The following TRAPPC9 variants were observed in gnomAD, a reference collection of about 807,000 sequenced individuals.
The protein encoded by TRAPPC9 is IKK2 binding protein.
Under a neutral mutation model 124.0 loss-of-function variants are expected in TRAPPC9, and 83 were observed. That is an observed-to-expected ratio of 0.67 (90% CI 0.56 to 0.80). The LOEUF is 0.80. TRAPPC9 is among the 30% of genes least tolerant of loss of function. TRAPPC9 has a pLI of 0.00. For missense variants in TRAPPC9, 1,302 were observed against 1,508.3 expected (o/e 0.86, Z 2.27); for synonymous variants, 638 against 617.5 (o/e 1.03, Z -0.49).
intron 17 of TRAPPC9, among the ~76,000 whole-genome samples, chr8:140,118,502 C>G (rs552996539): frequency 1.6e-4 from 25 of 152,340 alleles, no homozygotes; most frequent in African/African-American, 6.0e-4. Flanking sequence ...TCTTTGGGAA[C>G]TGTCATCTGT....
chr8:140,294,981 G>A (rs1173046612), intron 11 of TRAPPC9, among the ~76,000 whole-genome samples: 1 of 152,152 alleles, frequency 6.6e-6, no homozygotes, highest in Non-Finnish European at 1.5e-5. Flanking sequence ...GCACACGGTG[G>A]TGGCCCTTCC....
At chr8:140,034,821 G>A (rs1376384690) in intron 17 of TRAPPC9, among the ~76,000 whole-genome samples, 1 of 152,248 alleles carries the variant, frequency 6.6e-6, no homozygotes, top group Non-Finnish European at 1.5e-5. Context: ...CTCAAAGCCA[G>A]GTCTGAGTCC....
At chr8:140,381,225 A>T (rs2068598902) in intron 7 of TRAPPC9, among the ~76,000 whole-genome samples, 1 of 151,518 alleles carries the variant, frequency 6.6e-6, no homozygotes, top group African/African-American at 2.4e-5. Flanking sequence ...AAAAAAGAAG[A>T]AGAAAAGAAA....
intron 2 of TRAPPC9, among the ~76,000 whole-genome samples, chr8:140,449,844 A>G (rs954751204): frequency 6.6e-6 from 1 of 152,234 alleles, no homozygotes; most frequent in Non-Finnish European, 1.5e-5. Context: ...CTCATCTGTG[A>G]ACCAAAGGGA....
intron 17 of TRAPPC9, among the ~76,000 whole-genome samples, chr8:140,055,045 G>T (rs1429595398): frequency 2.0e-5 from 3 of 152,146 alleles, no homozygotes; most frequent in Admixed American, 2.0e-4. Context: ...ACAAATTTTA[G>T]GAGGCCAGCA....
At chr8:140,075,134 G>A (rs1346356527) in intron 17 of TRAPPC9, among the ~76,000 whole-genome samples, 10 of 152,064 alleles carry the variant, frequency 6.6e-5, no homozygotes, top group African/African-American at 1.2e-4. Context: ...GACAGGGCTC[G>A]GCCCCAGAGC....
intron 21 of TRAPPC9, among the ~76,000 whole-genome samples, chr8:139,777,423 C>T (rs753652133): frequency 6.6e-6 from 1 of 152,246 alleles, no homozygotes; most frequent in African/African-American, 2.4e-5. Flanking sequence ...ACTGTGTTAT[C>T]TCCTAATGCA....
chr8:140,232,354 G>A (rs1391573905), intron 16 of TRAPPC9, among the ~76,000 whole-genome samples: 1 of 152,002 alleles, frequency 6.6e-6, no homozygotes, highest in African/African-American at 2.4e-5. Flanking sequence ...CCAAGATCTT[G>A]GGGAGCAAGT....
chr8:140,404,891 C>A (rs74890965), intron 6 of TRAPPC9, among the ~76,000 whole-genome samples: 8 of 64,348 alleles, frequency 1.2e-4, no homozygotes, highest in Admixed American at 3.3e-4. Flanking sequence ...TGCATGTGTG[C>A]ACGTGTGTGT....
intron 9 of TRAPPC9, among the ~76,000 whole-genome samples, chr8:140,350,339 G>A (rs1431217587): frequency 2.0e-5 from 3 of 152,182 alleles, no homozygotes; most frequent in African/African-American, 7.2e-5. Flanking sequence ...TGAGTGACCT[G>A]CAAGGTGCAA....
chr8:140,399,341 A>G (rs1195957826), intron 6 of TRAPPC9, among the ~76,000 whole-genome samples: 1 of 152,260 alleles, frequency 6.6e-6, no homozygotes, highest in Non-Finnish European at 1.5e-5. Flanking sequence ...ATCCACTGAC[A>G]GCTTGCACTG....
chr8:140,327,889 G>A lies in TRAPPC9; in HGVS notation c.1496-16515C>T, dbSNP rs977388415. Among the ~76,000 whole-genome samples the A allele has an allele frequency of 4.6e-5, 7 of 152,280 alleles. No individual in the cohort carries two copies. In the East Asian group the frequency reaches 5.8e-4, roughly 13 times the overall value. ...TGTACTCAATACCACTGAATTTTAC[G>A]CTTAAAACAGTTAAAAGGGTACATT... On this transcript the variant is annotated intron_variant, in intron 9 of 22. Coordinates refer to ENST00000438773, the MANE Select transcript of TRAPPC9 (RefSeq NM_001160372.4).
At chr8:140,311,134 C>A (rs533265897) in intron 10 of TRAPPC9, 114 bp downstream of exon 10, 2 of 1,313,388 alleles carry the variant, frequency 1.5e-6, no homozygotes, top group African/African-American at 2.9e-5. Flanking sequence ...ATAATGAACC[C>A]GATACACAGC....
chr8:139,977,700 A>T (rs1836580104), intron 19 of TRAPPC9, among the ~76,000 whole-genome samples: 1 of 146,756 alleles, frequency 6.8e-6, no homozygotes, highest in Non-Finnish European at 1.5e-5. Context: ...TTCATTTTTG[A>T]GATGGAGTCT....
intron 21 of TRAPPC9, among the ~76,000 whole-genome samples, chr8:139,765,877 C>T (rs113032916): frequency 3.9e-3 from 594 of 152,292 alleles, no homozygotes; most frequent in Non-Finnish European, 6.6e-3. Flanking sequence ...CATCCCCAGC[C>T]GGGGTCTGTG....
At chr8:140,299,653 C>T (rs2065909922) in intron 11 of TRAPPC9, among the ~76,000 whole-genome samples, 1 of 152,234 alleles carries the variant, frequency 6.6e-6, no homozygotes, top group Non-Finnish European at 1.5e-5. Flanking sequence ...TCACAATCTC[C>T]TGCAAGGGGC....
chr8:140,200,340 C>G (rs552489912), intron 17 of TRAPPC9, among the ~76,000 whole-genome samples: 1 of 152,284 alleles, frequency 6.6e-6, no homozygotes, highest in African/African-American at 2.4e-5. Flanking sequence ...GATGCACCCC[C>G]ACCAGAAGGG....
chr8:140,093,795 T>G (rs1342234979), intron 17 of TRAPPC9, among the ~76,000 whole-genome samples: 2 of 152,208 alleles, frequency 1.3e-5, no homozygotes, highest in Admixed American at 6.5e-5. Flanking sequence ...CAAAGGTGCC[T>G]GCTTGAGGTC....
At chr8:139,852,880 G>A (rs949212749) in intron 21 of TRAPPC9, among the ~76,000 whole-genome samples, 2 of 152,154 alleles carry the variant, frequency 1.3e-5, no homozygotes, top group Non-Finnish European at 2.9e-5. Context: ...AGCCCCTGGG[G>A]AGAGGAAACT....
Sources: gnomAD v4.1 joint callset for allele counts (sites outside exome capture counted in the v4.1 genomes callset) on GRCh38, gnomAD v4.1.1 for gene constraint, MANE v1.5 for transcripts, NCBI Gene and HGNC (gene_info 2026-07-23, HGNC 2026-07-21) for gene names.